The following PDE7B variants were observed in gnomAD, a reference collection of about 807,000 sequenced individuals.
The protein encoded by PDE7B is phosphodiesterase 7B, also known as 3',5'-cyclic-AMP phosphodiesterase 7B.
In PDE7B, 29 loss-of-function variants were observed where a neutral mutation model predicts 56.2. That is an observed-to-expected ratio of 0.52 (90% CI 0.38 to 0.70). The LOEUF is 0.70. Among genes scored for constraint, PDE7B ranks in the 30% least tolerant of loss-of-function variants. The pLI, the probability that PDE7B is intolerant of heterozygous loss-of-function variation, is 0.00. For missense variants in PDE7B, 490 were observed against 565.0 expected (o/e 0.87, Z 1.35); for synonymous variants, 197 against 196.9 (o/e 1.00, Z 0.00).
intron 1 of PDE7B, among the ~76,000 whole-genome samples, chr6:135,883,394 T>A (rs1312737216): frequency 2.6e-5 from 4 of 152,216 alleles, no homozygotes; most frequent in Admixed American, 2.6e-4. Context: ...GAGGACTGTC[T>A]CTCAATGTCT....
intron 1 of PDE7B, among the ~76,000 whole-genome samples, chr6:135,879,440 T>G (rs1003462401): frequency 6.6e-6 from 1 of 152,116 alleles, no homozygotes; most frequent in Non-Finnish European, 1.5e-5. Flanking sequence ...GGCCTAGAAC[T>G]CAAGGTCTGT....
intron 3 of PDE7B, among the ~76,000 whole-genome samples, chr6:136,124,010 C>T (rs2128443714): frequency 6.6e-6 from 1 of 152,246 alleles, no homozygotes; most frequent in Non-Finnish European, 1.5e-5. Flanking sequence ...AAGAGTGAGT[C>T]TCTTATTTTT....
At chr6:135,888,679 AAAAT>A (rs1310528639) in intron 1 of PDE7B, among the ~76,000 whole-genome samples, 3 of 151,400 alleles carry the variant, frequency 2.0e-5, no homozygotes, top group African/African-American at 7.3e-5. Context: ...AGTAGTATAA[AAAAT>A]AAATATTATA....
intron 2 of PDE7B, chr6:136,095,777 G>C (rs550564933): frequency 6.6e-6 from 1 of 152,292 alleles, no homozygotes; most frequent in African/African-American, 2.4e-5. Context: ...TAATTTAACA[G>C]CTTTGTCTCT....
chr6:136,128,066 T>A (rs1285909710), intron 3 of PDE7B, among the ~76,000 whole-genome samples: 1 of 152,172 alleles, frequency 6.6e-6, no homozygotes, highest in Non-Finnish European at 1.5e-5. Context: ...CTGCCACTTG[T>A]CATTACTGAG....
chr6:135,982,819 C>G (rs1562460035), intron 2 of PDE7B, among the ~76,000 whole-genome samples: 1 of 152,108 alleles, frequency 6.6e-6, no homozygotes, highest in Non-Finnish European at 1.5e-5. Flanking sequence ...ACTTCTGGCT[C>G]CTGGATACTC....
At chr6:136,000,078 T>G (rs1409635295) in intron 2 of PDE7B, among the ~76,000 whole-genome samples, 1 of 152,226 alleles carries the variant, frequency 6.6e-6, no homozygotes, top group Non-Finnish European at 1.5e-5. Flanking sequence ...TTGCCTACTT[T>G]TTAATGAAGT....
intron 2 of PDE7B, among the ~76,000 whole-genome samples, chr6:136,015,112 G>A (rs1308706485): frequency 6.6e-6 from 1 of 152,216 alleles, no homozygotes; most frequent in East Asian, 1.9e-4. Context: ...ATTTGTATTA[G>A]TAATCTTTAC....
chr6:136,190,631 T>C (rs2128452703), intron 12 of PDE7B, among the ~76,000 whole-genome samples: 1 of 152,342 alleles, frequency 6.6e-6, no homozygotes, highest in Non-Finnish European at 1.5e-5. Flanking sequence ...GACTGAAAGC[T>C]ATCTTTTCAT....
At chr6:136,146,837 A>G (rs760440150) in intron 3 of PDE7B, among the ~76,000 whole-genome samples, 1 of 152,210 alleles carries the variant, frequency 6.6e-6, no homozygotes, top group Non-Finnish European at 1.5e-5. Flanking sequence ...CCAAAATTAC[A>G]TTCTGAAACA....
At position 136,192,156 on chromosome 6, in the gene PDE7B, T is replaced by G; in HGVS notation, c.*316T>G. 8.0e-6 allele frequency: 3 copies of G among 372,874 alleles called. No individual in the cohort carries two copies. Among genetic ancestry groups the G allele is most frequent in the East Asian group, 1.1e-4 (2 of 17,394 alleles). 23.1% of individuals were successfully genotyped at this position (372,874 alleles called of 1,614,324 possible). ...AGGTGCTCCTGCCGTGTCCGCCTTG[T>G]TCCGGGTCGCACTGGAACAGGCAGC... is the stretch of plus-strand genomic sequence containing the variant. On this transcript the variant is annotated 3_prime_UTR_variant, in exon 13 of 13. Transcript: ENST00000308191.
chr6:135,975,380 C>A lies in PDE7B; in HGVS notation c.82+27856C>A, dbSNP rs564617628. 1.1e-4 allele frequency among the ~76,000 whole-genome samples: 16 copies of A among 152,216 alleles called. No homozygotes were observed. In the South Asian group the frequency reaches 3.1e-3, roughly 30 times the overall value. ...CTTTTCCTCTCTGACCTCTCACAAC[C>A]AGAAGGATATCATAAGCAGTACTTC... is the stretch of plus-strand genomic sequence containing the variant. On this transcript the variant is annotated intron_variant, in intron 2 of 12. Coordinates refer to ENST00000308191, the MANE Select transcript of PDE7B (RefSeq NM_018945.4).
At chr6:136,144,288 C>G (rs1443854962) in intron 3 of PDE7B, among the ~76,000 whole-genome samples, 1 of 152,094 alleles carries the variant, frequency 6.6e-6, no homozygotes, top group Non-Finnish European at 1.5e-5. Flanking sequence ...CTCATATACT[C>G]TTTCTCTATA....
chr6:136,083,948 G>T (rs1777246427), intron 2 of PDE7B, among the ~76,000 whole-genome samples: 1 of 152,170 alleles, frequency 6.6e-6, no homozygotes, highest in East Asian at 1.9e-4. Flanking sequence ...TAAATTGTTT[G>T]CCTGTACTCA....
intron 2 of PDE7B, among the ~76,000 whole-genome samples, chr6:135,968,184 A>C (rs1323364018): frequency 6.6e-6 from 1 of 152,198 alleles, no homozygotes; most frequent in Non-Finnish European, 1.5e-5. Flanking sequence ...TTAAATGTAA[A>C]ACTGAAAATG....
chr6:136,115,292 G>T (rs183772506), intron 3 of PDE7B, among the ~76,000 whole-genome samples: 1 of 152,120 alleles, frequency 6.6e-6, no homozygotes, highest in Admixed American at 6.5e-5. Context: ...ACTCTGTCTT[G>T]GAAATTAAGG....
chr6:135,976,612 A>C (rs1050485112), intron 2 of PDE7B, among the ~76,000 whole-genome samples: 2 of 152,210 alleles, frequency 1.3e-5, no homozygotes, highest in Non-Finnish European at 2.9e-5. Context: ...CCACTTAAAA[A>C]GTAAAATGGG....
chr6:136,089,982 C>T (rs1777359457), intron 2 of PDE7B, among the ~76,000 whole-genome samples: 1 of 152,150 alleles, frequency 6.6e-6, no homozygotes, highest in African/African-American at 2.4e-5. Flanking sequence ...TCCAAAGCAT[C>T]TATCTTAGTG....
intron 2 of PDE7B, among the ~76,000 whole-genome samples, chr6:136,094,426 G>A (rs1401336495): frequency 6.6e-6 from 1 of 152,064 alleles, no homozygotes; most frequent in Non-Finnish European, 1.5e-5. Context: ...GTTCCTTGTT[G>A]TCCTGGATTT....
Sources: gnomAD v4.1 joint callset for allele counts (sites outside exome capture counted in the v4.1 genomes callset) on GRCh38, gnomAD v4.1.1 for gene constraint, MANE v1.5 for transcripts, NCBI Gene and HGNC (gene_info 2026-07-23, HGNC 2026-07-21) for gene names.